Variants in LDB2 observed in about 807,000 individuals in gnomAD.
LDB2 encodes LIM domain binding 2.
In LDB2, 12 loss-of-function variants were observed where a neutral mutation model predicts 44.3. That is an observed-to-expected ratio of 0.27 (90% CI 0.17 to 0.44). The LOEUF (loss-of-function observed/expected upper bound fraction) is 0.44, where lower values mean the gene tolerates loss of function less well. Among genes scored for constraint, LDB2 ranks in the 20% least tolerant of loss-of-function variants. LDB2 has a pLI of 1.00. For synonymous variants in LDB2, 164 were observed against 174.8 expected, an observed-to-expected ratio of 0.94 and a Z score of 0.49; for missense variants, 344 against 473.5, an observed-to-expected ratio of 0.73 and a Z score of 2.54.
chr4:16,511,849 T>A, intron 6 of LDB2, 132 bp downstream of exon 6: 1 of 1,005,972 alleles, frequency 9.9e-7, no homozygotes, highest in Non-Finnish European at 1.4e-6. Context: ...TCCACAACCA[T>A]GGTCAGAATA....
At chr4:16,581,444 G>T in intron 5 of LDB2, 2 of 985,108 alleles carry the variant, frequency 2.0e-6, no homozygotes, top group South Asian at 9.4e-5. Flanking sequence ...AAAATCTTTT[G>T]AATTATATCA....
At chr4:16,648,426 A>G (rs1417073739) in intron 2 of LDB2, among the ~76,000 whole-genome samples, 2 of 152,218 alleles carry the variant, frequency 1.3e-5, no homozygotes, top group African/African-American at 4.8e-5. Context: ...TCAAGCAGGC[A>G]TTGTGTATAC....
intron 1 of LDB2, among the ~76,000 whole-genome samples, chr4:16,875,727 T>C (rs56089556): frequency 0.011 from 1,635 of 152,308 alleles, 33 homozygotes; most frequent in African/African-American, 0.037. Context: ...CATTCCTTTA[T>C]GTAAGCAGAC....
chr4:16,854,014 T>C (rs1301409760), intron 1 of LDB2, among the ~76,000 whole-genome samples: 1 of 151,992 alleles, frequency 6.6e-6, no homozygotes, highest in Non-Finnish European at 1.5e-5. Context: ...AGAGGTAGAT[T>C]GAAGAATGTA....
Position 16,517,879 on chromosome 4 carries a change from GTGGATGGATGGATGGATGGA to G in LDB2, c.616-5795_616-5776del, listed in dbSNP as rs34267672. On this transcript the variant is annotated intron_variant, in intron 5 of 7. Coordinates refer to ENST00000304523, the MANE Select transcript of LDB2 (RefSeq NM_001290.5). ...ATCACAACAGGAACTTGATGAATGA[GTGGATGGATGGATGGATGGA>G]TGGATGGATGGATGGATGGATGGAT... 5.5e-3 allele frequency among the ~76,000 whole-genome samples: 825 copies of G among 148,762 alleles called. 9 individuals are homozygous for G. The highest frequency in any genetic ancestry group is 0.019 in the African/African-American group (772 of 40,312).
At chr4:16,726,505 C>A (rs949826431) in intron 2 of LDB2, 1 of 152,022 alleles carries the variant, frequency 6.6e-6, no homozygotes, top group Non-Finnish European at 1.5e-5. Context: ...AAAACTGCAG[C>A]GCCAGAATCA....
intron 1 of LDB2, among the ~76,000 whole-genome samples, chr4:16,761,556 C>T (rs1159262254): frequency 3.3e-5 from 5 of 152,160 alleles, no homozygotes; most frequent in African/African-American, 4.8e-5. Flanking sequence ...GTGAACTTAG[C>T]AACTTATTCT....
At chr4:16,656,788 T>G (rs951820482) in intron 2 of LDB2, among the ~76,000 whole-genome samples, 2 of 152,234 alleles carry the variant, frequency 1.3e-5, no homozygotes, top group African/African-American at 4.8e-5. Context: ...AACATTGTAA[T>G]GTGCTTCCTT....
At chr4:16,628,115 G>A (rs1033830052) in intron 2 of LDB2, among the ~76,000 whole-genome samples, 1 of 152,140 alleles carries the variant, frequency 6.6e-6, no homozygotes, top group African/African-American at 2.4e-5. Flanking sequence ...CATTTCAAAC[G>A]GTTTGGGTGC....
At chr4:16,801,749 A>G (rs962050987) in intron 1 of LDB2, among the ~76,000 whole-genome samples, 2 of 152,232 alleles carry the variant, frequency 1.3e-5, no homozygotes, top group African/African-American at 4.8e-5. Flanking sequence ...TTCCAAAAAT[A>G]ATAGACAATC....
chr4:16,776,299 C>T (rs1469962305), intron 1 of LDB2, among the ~76,000 whole-genome samples: 1 of 152,186 alleles, frequency 6.6e-6, no homozygotes, highest in Admixed American at 6.5e-5. Flanking sequence ...ACACTCACTG[C>T]TTTAGGAATT....
At chr4:16,536,944 TG>T in intron 5 of LDB2, among the ~76,000 whole-genome samples, 1 of 152,360 alleles carries the variant, frequency 6.6e-6, no homozygotes. Context: ...AATGAAGTGC[TG>T]GGCCCACTCC....
At chr4:16,614,588 A>AC (rs796262122) in intron 2 of LDB2, among the ~76,000 whole-genome samples, 3 of 146,792 alleles carry the variant, frequency 2.0e-5, no homozygotes, top group African/African-American at 7.5e-5. Context: ...AACAAAAAAA[A>AC]AAAAAAAAAA....
intron 5 of LDB2, among the ~76,000 whole-genome samples, chr4:16,520,542 C>T (rs999435920): frequency 2.0e-5 from 3 of 152,036 alleles, no homozygotes; most frequent in Admixed American, 6.6e-5. Context: ...AAGATGCAAC[C>T]GGGGGATGTG....
intron 1 of LDB2, among the ~76,000 whole-genome samples, chr4:16,849,732 T>A (rs1002493052): frequency 2.6e-5 from 4 of 152,196 alleles, no homozygotes; most frequent in African/African-American, 9.6e-5. Context: ...CAAGAACACA[T>A]GGGCATTTGC....
chr4:16,584,341 A>G (rs1715947054), intron 5 of LDB2, among the ~76,000 whole-genome samples: 1 of 152,218 alleles, frequency 6.6e-6, no homozygotes, highest in South Asian at 2.1e-4. Context: ...ATATGACCCA[A>G]TTCCTATCCA....
At chr4:16,686,889 G>A (rs1749385786) in intron 2 of LDB2, among the ~76,000 whole-genome samples, 1 of 151,950 alleles carries the variant, frequency 6.6e-6, no homozygotes, top group Non-Finnish European at 1.5e-5. Context: ...GGGGTTGGGG[G>A]GATCCTTATT....
chr4:16,646,945 C>T (rs1338721708), intron 2 of LDB2, among the ~76,000 whole-genome samples: 1 of 152,142 alleles, frequency 6.6e-6, no homozygotes, highest in Non-Finnish European at 1.5e-5. Context: ...TCAGCAATAC[C>T]ACTACTAGCA....
chr4:16,518,165 C>T (rs1192862070), intron 5 of LDB2, among the ~76,000 whole-genome samples: 2 of 152,200 alleles, frequency 1.3e-5, no homozygotes, highest in Non-Finnish European at 2.9e-5. Context: ...CAAATGTAGA[C>T]AGTGCAGTGT....
Sources: allele counts gnomAD v4.1 joint callset (sites outside exome capture counted in the v4.1 genomes callset), GRCh38; gene constraint gnomAD v4.1.1; transcripts MANE v1.5; gene names NCBI Gene and HGNC (gene_info 2026-07-23, HGNC 2026-07-21).